The following MTHFD1 variants were observed in gnomAD, a reference collection of about 807,000 sequenced individuals.
MTHFD1 encodes methylenetetrahydrofolate dehydrogenase, cyclohydrolase and formyltetrahydrofolate synthetase 1, also known as C-1-tetrahydrofolate synthase, cytoplasmic.
Under a neutral mutation model 110.3 loss-of-function variants are expected in MTHFD1, and 44 were observed. The observed-to-expected ratio is 0.40, with a 90% CI of 0.31 to 0.51. The LOEUF (loss-of-function observed/expected upper bound fraction) is 0.51. Among genes scored for constraint, MTHFD1 ranks in the 20% least tolerant of loss-of-function variants. MTHFD1 has a pLI of 0.60. For synonymous variants in MTHFD1, 402 were observed against 428.8 expected, an observed-to-expected ratio of 0.94 and a Z score of 0.77; for missense variants, 909 against 1,173.1, an observed-to-expected ratio of 0.77 and a Z score of 3.29.
chr14:64,441,909 T>G (rs993713582), intron 19 of MTHFD1, 145 bp from the exon 20 acceptor site: 2 of 706,928 alleles, frequency 2.8e-6, no homozygotes, highest in Non-Finnish European at 5.1e-6. Context: ...ACTGGGACGT[T>G]ACTGAAATAA....
At chr14:64,406,501 T>C (rs1236195536) in intron 2 of MTHFD1, among the ~76,000 whole-genome samples, 2 of 148,950 alleles carry the variant, frequency 1.3e-5, no homozygotes, top group Non-Finnish European at 3.0e-5. Flanking sequence ...TTTTTTTTTT[T>C]TTTTTTTTTG....
chr14:64,427,329 T>C lies in MTHFD1; in HGVS notation c.1128-8T>C. On this transcript the variant is annotated splice_polypyrimidine_tract_variant and splice_region_variant and intron_variant, in intron 11 of 27. Transcript: ENST00000652337. ...TAAACCTTTTTCTCTTTTGCTTTCGTCTTGAAGAATAACTCCAACACCCCT... is the reference window on the plus strand; with the variant it reads ...TAAACCTTTTTCTCTTTTGCTTTCGCCTTGAAGAATAACTCCAACACCCCT... The C allele has an allele frequency of 6.2e-7, 1 of 1,614,166 alleles. No homozygotes were observed. Among genetic ancestry groups the C allele is most frequent in the Non-Finnish European group, 8.5e-7 (1 of 1,180,026 alleles).
rs576534520 is a variant in MTHFD1 at position 64,393,291 on chromosome 14, C to T, written c.41+4823C>T. ...GCCCATGCCTGTAATCCCAGCTACT[C>T]CAGAGGCTGAGACAGGAGAATGGCT... is the stretch of plus-strand genomic sequence containing the variant. On this transcript the variant is annotated intron_variant, in intron 1 of 27. Transcript: ENST00000652337. 9.9e-5 allele frequency among the ~76,000 whole-genome samples: 15 copies of T among 152,202 alleles called. No individual in the cohort carries two copies. In the East Asian group the frequency reaches 2.9e-3, roughly 29 times the overall value.
chr14:64,406,739 C>T (rs576360053), intron 2 of MTHFD1, among the ~76,000 whole-genome samples: 10 of 152,010 alleles, frequency 6.6e-5, no homozygotes, highest in East Asian at 5.8e-4. Context: ...CCCAAAGTGC[C>T]GAGTCACCGC....
At position 64,430,177 on chromosome 14, in the gene MTHFD1, C is replaced by G; in HGVS notation, c.1265-7C>G. On this transcript the variant is annotated splice_polypyrimidine_tract_variant and splice_region_variant and intron_variant, in intron 12 of 27. Transcript: ENST00000652337. ...AACTGAGCTTCCACCCTTGACCTGT[C>G]CCCTAGGTGGCGCTGCAGGAGGCGG... 1 of 1,613,508 alleles carries G rather than the reference C, an allele frequency of 6.2e-7. No homozygotes were observed. The highest frequency in any genetic ancestry group is 8.5e-7 in the Non-Finnish European group (1 of 1,179,866).
intron 2 of MTHFD1, 54 bp downstream of exon 2, chr14:64,400,931 C>T (rs2077890658): frequency 8.1e-7 from 1 of 1,241,450 alleles, no homozygotes; most frequent in African/African-American, 1.5e-5. Flanking sequence ...TTCTCAGTAT[C>T]ATTTCAGACC....
At position 64,419,915 on chromosome 14, in the gene MTHFD1, T is replaced by A. The variant is rs1485505042; in HGVS notation, c.717T>A (p.Asn239Lys). 1 of 1,612,388 alleles carries A rather than the reference T, an allele frequency of 6.2e-7. No homozygotes were observed. The highest frequency in any genetic ancestry group is 1.1e-5 in the South Asian group (1 of 91,012). ...CAATAGTCATCGACTGTGGAATCAA[T>A]TATGTCCCAGGTGAGTGTTGTTGGA... ...PGAIVIDCGI[N>K]YVPDDKKPNG... Residue 239 changes from asparagine (N) to lysine (K), a missense_variant, in exon 8 of 28, where the codon AAT (asparagine) becomes AAA (lysine). Transcript: ENST00000652337.
rs2077992436 is a variant in MTHFD1, at chr14:64,412,495, T to C, written c.210T>C (p.Ile70=). The C allele has an allele frequency of 6.2e-7, 1 of 1,613,750 alleles. No individual in the cohort carries two copies. Among genetic ancestry groups the C allele is most frequent in the Non-Finnish European group, 8.5e-7 (1 of 1,179,654 alleles). ...AEEIGIKATH[I]KLPRTTTESE... is the part of the protein sequence containing the mutation. ...AGATTGGGATCAAAGCCACTCACATTAAGTTACCAAGAACAACCACAGAAT... is the reference window on the plus strand; with the variant it reads ...AGATTGGGATCAAAGCCACTCACATCAAGTTACCAAGAACAACCACAGAAT... The change falls in exon 4 of 28, where the codon ATT becomes ATC. Residue 70 remains isoleucine, a synonymous_variant. Transcript: ENST00000652337.
rs757239075 is a variant in MTHFD1, at chr14:64,442,343, C to T, written c.2077C>T (p.His693Tyr). 2 of 1,614,212 alleles carry T rather than the reference C, an allele frequency of 1.2e-6. No homozygotes were observed. The highest frequency in any genetic ancestry group is 1.3e-5 in the African/African-American group (1 of 75,072). The part of the protein sequence containing the change: ...IKCRYSGLCP[H>Y]VVVLVATVRA... ...ATGCCGGTATTCCGGCCTCTGCCCC[C>T]ACGTGGTGGTGCTTGTTGCCACTGT... The change falls in exon 21 of 28, where the codon CAC (histidine) becomes TAC (tyrosine). Residue 693 changes from histidine (H) to tyrosine (Y), a missense_variant. His to Tyr is a moderately conservative substitution (Grantham distance 83, BLOSUM62 2). Coordinates refer to ENST00000652337, the MANE Select transcript of MTHFD1 (RefSeq NM_005956.4).
chr14:64,427,255 T>C, intron 11 of MTHFD1, 82 bp from the exon 12 acceptor site: 4 of 1,479,052 alleles, frequency 2.7e-6, no homozygotes, highest in Non-Finnish European at 3.8e-6. Context: ...CGAGTCATTC[T>C]CTAGGATCTG....
Position 64,416,011 on chromosome 14 carries a change from C to T in MTHFD1, c.478+272C>T, listed in dbSNP as rs369550928. 1.6e-3 allele frequency among the ~76,000 whole-genome samples: 239 copies of T among 152,240 alleles called. 1 individual carries two copies. The highest frequency in any genetic ancestry group is 6.8e-3 in the Middle Eastern group (2 of 294). ...ATCCCAGCACTTTGGGAGGCTGAAG[C>T]GGGCTGAGATCACCTGAGGTCAGGA... On this transcript the variant is annotated intron_variant, in intron 6 of 27. Coordinates refer to ENST00000652337, the MANE Select transcript of MTHFD1 (RefSeq NM_005956.4).
At chr14:64,451,523 T>G (rs2078372770) in intron 24 of MTHFD1, among the ~76,000 whole-genome samples, 1 of 152,256 alleles carries the variant, frequency 6.6e-6, no homozygotes, top group South Asian at 2.1e-4. Flanking sequence ...TAAAATCTGT[T>G]CAGCAATCAT....
intron 4 of MTHFD1, among the ~76,000 whole-genome samples, chr14:64,414,440 C>A (rs547585324): frequency 6.6e-6 from 1 of 151,704 alleles, no homozygotes; most frequent in African/African-American, 2.4e-5. Context: ...TACAGGCATG[C>A]GCCACTATGC....
intron 27 of MTHFD1, chr14:64,458,512 A>G: frequency 1.7e-6 from 1 of 592,882 alleles, no homozygotes; most frequent in South Asian, 1.9e-5. Context: ...ACATTTTTGG[A>G]AGAAGCGCAG....
At chr14:64,427,852 A>G (rs896750600) in intron 12 of MTHFD1, among the ~76,000 whole-genome samples, 2 of 152,190 alleles carry the variant, frequency 1.3e-5, no homozygotes, top group Admixed American at 6.5e-5. Context: ...AGAAAAGCCT[A>G]CCTTTATTGA....
In MTHFD1 at chr14:64,417,220, C is replaced by T. The variant is rs2078031652; in HGVS notation, c.479-668C>T. Among the ~76,000 whole-genome samples the T allele has an allele frequency of 6.6e-6, 1 of 152,172 alleles. No homozygotes were observed. The highest frequency in any genetic ancestry group is 1.5e-5 in the Non-Finnish European group (1 of 68,018). The stretch of plus-strand genomic sequence containing the variant: ...TATCAGCTGAGGGAAGAAATATGGT[C>T]CCCTGTCCACTACTGGGTACTCACT... On this transcript the variant is annotated intron_variant, in intron 6 of 27. Coordinates refer to ENST00000652337, the MANE Select transcript of MTHFD1 (RefSeq NM_005956.4). This position sits in a 1 kb window ranked among gnomAD's most constrained non-coding sequence, Gnocchi z 4.4.
intron 6 of MTHFD1, among the ~76,000 whole-genome samples, chr14:64,416,823 T>C (rs1214714516): frequency 1.3e-5 from 2 of 152,196 alleles, no homozygotes; most frequent in Non-Finnish European, 2.9e-5. Context: ...TCCCACTGCC[T>C]CTTATTGAGT....
intron 15 of MTHFD1, among the ~76,000 whole-genome samples, chr14:64,435,096 C>T (rs372634476): frequency 1.3e-5 from 2 of 151,576 alleles, no homozygotes; most frequent in South Asian, 2.1e-4. Flanking sequence ...ATTATAGTCA[C>T]CCACCACCAT....
intron 26 of MTHFD1, among the ~76,000 whole-genome samples, chr14:64,455,770 C>T: frequency 6.6e-6 from 1 of 152,326 alleles, no homozygotes; most frequent in African/African-American, 2.4e-5. Context: ...AATTCATTTT[C>T]ACCTCTTCAG....
Sources: gnomAD v4.1 joint callset for allele counts (sites outside exome capture counted in the v4.1 genomes callset) on GRCh38, gnomAD v4.1.1 for gene constraint, Gnocchi (gnomAD v3.1) non-coding constraint, MANE v1.5 for transcripts, NCBI Gene and HGNC (gene_info 2026-07-23, HGNC 2026-07-21) for gene names.